The following PDE1C variants were observed in gnomAD, a reference collection of about 807,000 sequenced individuals.
PDE1C encodes the protein dual specificity calcium/calmodulin-dependent 3',5'-cyclic nucleotide phosphodiesterase 1C.
PDE1C carries 62 observed loss-of-function variants against 93.1 expected under a neutral mutation model. The observed-to-expected ratio is 0.67, with a 90% CI of 0.54 to 0.82. PDE1C has a LOEUF of 0.82. PDE1C is among the 40% of genes least tolerant of loss of function. The pLI, the probability that PDE1C is intolerant of heterozygous loss-of-function variation, is 0.00. For synonymous variants in PDE1C, 325 were observed against 310.1 expected (o/e 1.05, Z -0.50); for missense variants, 742 against 884.6 (o/e 0.84, Z 2.04).
rs1326788227 is a variant in PDE1C, at chr7:31,752,638, TAA to T, written c.*744_*745del. ...TTGTATCATCTACTGTGGGTAGAAG[TAA>T]AAGATTAGAGGAAAATGAAGCCAAA... On this transcript the variant is annotated 3_prime_UTR_variant, in exon 18 of 18. Transcript: ENST00000396191. The T allele has an allele frequency of 6.6e-6, 1 of 152,202 alleles. No individual in the cohort carries two copies. The highest frequency in any genetic ancestry group is 6.5e-5 in the Admixed American group (1 of 15,276). 9.4% of individuals were successfully genotyped at this position (152,202 alleles called of 1,614,324 possible).
In PDE1C at chr7:31,963,752, A is replaced by G. The variant is rs185044410; in HGVS notation, c.129-82892T>C. Among the ~76,000 whole-genome samples the G allele has an allele frequency of 4.3e-4, 66 of 152,354 alleles. No individual in the cohort carries two copies. The East Asian group carries it at 7.7e-3, about 18-fold the overall frequency. ...GAAATAAACACAGAGTGCAGTAAAC[A>G]TCAATCAGCACCTACTTATTAACTC... On this transcript the variant is annotated intron_variant, in intron 2 of 17. Transcript: ENST00000396191.
upstream of PDE1C, among the ~76,000 whole-genome samples, chr7:32,071,916 G>T (rs1350003496): frequency 1.3e-5 from 2 of 152,086 alleles, no homozygotes; most frequent in Non-Finnish European, 2.9e-5. Context: ...TGAGATTCAG[G>T]GTGGGGCATG....
intron 3 of PDE1C, among the ~76,000 whole-genome samples, chr7:32,118,912 A>G (rs1327515004): frequency 2.6e-5 from 4 of 152,212 alleles, no homozygotes; most frequent in Non-Finnish European, 5.9e-5. Context: ...TACTGTGGTA[A>G]TATGGCCAAC....
At chr7:32,046,253 A>G (rs186780585) in intron 2 of PDE1C, among the ~76,000 whole-genome samples, 2 of 151,936 alleles carry the variant, frequency 1.3e-5, no homozygotes, top group East Asian at 1.9e-4. Context: ...CAAAACATAC[A>G]TTTTTAAAAT....
the PDE1C span, among the ~76,000 whole-genome samples, chr7:31,737,013 G>A: frequency 0.24 from 36,642 of 152,008 alleles, 6,443 homozygotes; most frequent in African/African-American, 0.48. Flanking sequence ...GTGCAGTGGT[G>A]TGATCATGGC....
At chr7:31,789,388 C>T (rs2128656739) in intron 16 of PDE1C, 1 of 152,438 alleles carries the variant, frequency 6.6e-6, no homozygotes, top group South Asian at 2.1e-4. Flanking sequence ...TAGCACTTTA[C>T]TGAATAAAAA....
At chr7:32,158,322 A>C (rs1407673015) in intron 3 of PDE1C, among the ~76,000 whole-genome samples, 1 of 152,168 alleles carries the variant, frequency 6.6e-6, no homozygotes, top group African/African-American at 2.4e-5. Context: ...AATGAGGACA[A>C]GCATGTCTGT....
intron 3 of PDE1C, among the ~76,000 whole-genome samples, chr7:32,139,721 T>G (rs1456782054): frequency 6.6e-6 from 1 of 152,178 alleles, no homozygotes; most frequent in Non-Finnish European, 1.5e-5. Context: ...TGATGTAATT[T>G]TAGCCAATGA....
intron 17 of PDE1C, among the ~76,000 whole-genome samples, chr7:31,754,843 A>G (rs1454057786): frequency 2.0e-5 from 3 of 152,206 alleles, no homozygotes; most frequent in Non-Finnish European, 2.9e-5. Context: ...ATTTGTCAAG[A>G]CCCATACAAC....
At chr7:32,398,203 C>T (rs1184309959) in intron 1 of PDE1C, among the ~76,000 whole-genome samples, 1 of 150,464 alleles carries the variant, frequency 6.6e-6, no homozygotes, top group Non-Finnish European at 1.5e-5. Context: ...ATCCCAGCTA[C>T]TCAGGAGGCT....
Position 32,154,951 on chromosome 7 carries a change from C to T in PDE1C, c.308+14834G>A, listed in dbSNP as rs548484376. 1.6e-4 allele frequency among the ~76,000 whole-genome samples: 24 copies of T among 152,358 alleles called. No homozygotes were observed. The East Asian group carries it at 4.4e-3, about 28-fold the overall frequency. ...AGACTGAGCAATCTATGGCAGGAGG[C>T]CCAGGCAGGCAGGGAGTAAGGCCAA... On this transcript the variant is annotated intron_variant, in intron 3 of 18. Transcript: ENST00000396193.
Position 31,795,652 on chromosome 7 carries a change from T to C in PDE1C, c.1891+13379A>G, listed in dbSNP as rs148205063. Among the ~76,000 whole-genome samples, 360 of 151,960 alleles carry C rather than the reference T, an allele frequency of 2.4e-3. 2 individuals are homozygous for C. The highest frequency in any genetic ancestry group is 3.2e-3 in the Non-Finnish European group (217 of 67,846). On this transcript the variant is annotated intron_variant, in intron 16 of 17. Transcript: ENST00000396191. ...TCATAATATACTTTTATTTGACATT[T>C]CTACTATGGAGTTACTTGGTAAGAG...
chr7:31,667,794 C>T, the PDE1C span, among the ~76,000 whole-genome samples: 4 of 151,590 alleles, frequency 2.6e-5, no homozygotes, highest in African/African-American at 7.3e-5. Context: ...AGGCAGGTCT[C>T]AATCAATAGA....
At chr7:31,729,321 G>A in the PDE1C span, among the ~76,000 whole-genome samples, 3 of 152,130 alleles carry the variant, frequency 2.0e-5, no homozygotes. Flanking sequence ...AATTCCATTT[G>A]CTCTTTATCG....
At chr7:32,235,079 A>C (rs1807976950) in intron 1 of PDE1C, among the ~76,000 whole-genome samples, 1 of 152,068 alleles carries the variant, frequency 6.6e-6, no homozygotes, top group South Asian at 2.1e-4. Flanking sequence ...ACTTTCAGCA[A>C]ACTAGGAACA....
chr7:32,380,703 C>T (rs912328599), intron 1 of PDE1C, among the ~76,000 whole-genome samples: 2 of 152,114 alleles, frequency 1.3e-5, no homozygotes, highest in African/African-American at 2.4e-5. Context: ...ATCTCCACCC[C>T]CTTCTGGAAA....
intron 2 of PDE1C, among the ~76,000 whole-genome samples, chr7:31,908,179 AGTCATTAGTAATAT>A (rs1381999855): frequency 3.5e-4 from 5 of 14,486 alleles, no homozygotes; most frequent in African/African-American, 3.9e-4. Context: ...AGTGGCATTC[AGTCATTAGTAATAT>A]GTCATTAGTA....
At chr7:31,743,575 G>GCACA in the PDE1C span, among the ~76,000 whole-genome samples, 112 of 147,942 alleles carry the variant, frequency 7.6e-4, no homozygotes, top group African/African-American at 2.3e-3. Flanking sequence ...GTGTGTGTGC[G>GCACA]CACACACACA....
chr7:31,962,066 CA>C (rs764204306), intron 2 of PDE1C, among the ~76,000 whole-genome samples: 2 of 152,244 alleles, frequency 1.3e-5, no homozygotes, highest in Non-Finnish European at 2.9e-5. Context: ...TCCAGAGTTT[CA>C]TAACTAAAAA....
Sources: allele counts gnomAD v4.1 joint callset (sites outside exome capture counted in the v4.1 genomes callset), GRCh38; gene constraint gnomAD v4.1.1; transcripts MANE v1.5; gene names NCBI Gene and HGNC (gene_info 2026-07-23, HGNC 2026-07-21).